CNGB3: variants seen among roughly 807,000 people sequenced by gnomAD.
CNGB3 encodes cyclic nucleotide gated channel subunit beta 3, also known as cyclic nucleotide-gated channel beta-3.
CNGB3 carries 86 observed loss-of-function variants against 92.8 expected under a neutral mutation model. The ratio of observed to expected loss-of-function variants is 0.93; its 90% CI spans 0.78 to 1.11. The LOEUF (loss-of-function observed/expected upper bound fraction) is 1.11, where lower values mean the gene tolerates loss of function less well. Among genes scored for constraint, CNGB3 ranks in the 50% least tolerant of loss-of-function variants. The probability of loss-of-function intolerance (pLI) is 0.00; values close to 1 mark genes in which losing one functional copy is unlikely to be tolerated. For synonymous variants in CNGB3, 333 were observed against 332.7 expected (o/e 1.00, Z -0.01); for missense variants, 1,026 against 956.8 (o/e 1.07, Z -0.95).
intron 3 of CNGB3, among the ~76,000 whole-genome samples, chr8:86,719,983 T>C (rs1020667189): frequency 4.6e-5 from 7 of 152,134 alleles, no homozygotes; most frequent in African/African-American, 1.7e-4. Context: ...TCTCACCTTA[T>C]ACAAAAATCA....
intron 15 of CNGB3, among the ~76,000 whole-genome samples, chr8:86,592,223 G>C (rs953239027): frequency 6.6e-6 from 1 of 152,206 alleles, no homozygotes; most frequent in African/African-American, 2.4e-5. Flanking sequence ...CGCACCCACT[G>C]ACCTGTGCCC....
Position 86,579,219 on chromosome 8 carries a change from A to C in CNGB3, c.1815T>G (p.Thr605=), listed in dbSNP as rs143131185. 116 of 1,614,174 alleles carry C rather than the reference A, an allele frequency of 7.2e-5. 1 individual carries two copies. The African/African-American group carries it at 1.3e-3, about 19-fold the overall frequency. Reference sequence around the variant, plus strand: ...CAAACCCGTGGGCCACCACATTGGCAGTTCGACGGTTTCCTCCTCCTGCTG... The same window carrying C: ...CAAACCCGTGGGCCACCACATTGGCCGTTCGACGGTTTCCTCCTCCTGCTG... ...LLAAGGGNRR[T]ANVVAHGFAN... is the part of the protein sequence containing the mutation. Residue 605 remains threonine, a synonymous_variant, in exon 16 of 18, where the codon ACT becomes ACG. Transcript: ENST00000320005.
chr8:86,673,908 T>C (rs1823914977), intron 3 of CNGB3, among the ~76,000 whole-genome samples: 2 of 152,160 alleles, frequency 1.3e-5, no homozygotes, highest in Non-Finnish European at 2.9e-5. Context: ...GAACTTGGGG[T>C]TCATCAGTGA....
chr8:86,728,065 G>T (rs983989451), intron 2 of CNGB3, among the ~76,000 whole-genome samples: 2 of 151,986 alleles, frequency 1.3e-5, no homozygotes, highest in Non-Finnish European at 2.9e-5. Context: ...TTCCCAAGAC[G>T]CTTTTATTCA....
chr8:86,720,813 CATATATATATAT>C (rs4024072), intron 3 of CNGB3, among the ~76,000 whole-genome samples: 1 of 134,444 alleles, frequency 7.4e-6, no homozygotes, highest in Non-Finnish European at 1.6e-5. Context: ...TATTCCATGG[CATATATATATAT>C]ATATATATAT....
intron 14 of CNGB3, among the ~76,000 whole-genome samples, chr8:86,605,682 G>A (rs774489313): frequency 6.6e-6 from 1 of 152,210 alleles, no homozygotes; most frequent in Non-Finnish European, 1.5e-5. Context: ...TGAGATGGCT[G>A]AGAGAATGTC....
chr8:86,669,359 G>A (rs1823812346), intron 4 of CNGB3, among the ~76,000 whole-genome samples: 1 of 152,030 alleles, frequency 6.6e-6, no homozygotes, highest in Admixed American at 6.6e-5. Context: ...AAATATACAG[G>A]TAATGAAAAC....
At chr8:86,702,027 CA>C (rs1461478259) in intron 3 of CNGB3, among the ~76,000 whole-genome samples, 1 of 152,186 alleles carries the variant, frequency 6.6e-6, no homozygotes, top group East Asian at 1.9e-4. Context: ...TTGATATGGA[CA>C]GCCCTGTATT....
intron 3 of CNGB3, among the ~76,000 whole-genome samples, chr8:86,725,418 T>A (rs1336579860): frequency 6.6e-6 from 1 of 152,136 alleles, no homozygotes; most frequent in Non-Finnish European, 1.5e-5. Context: ...ATAGATAAAA[T>A]ATAAATAATT....
At chr8:86,656,176 G>A (rs2131604701) in intron 6 of CNGB3, among the ~76,000 whole-genome samples, 1 of 152,236 alleles carries the variant, frequency 6.6e-6, no homozygotes, top group East Asian at 1.9e-4. Flanking sequence ...CATAGATACG[G>A]CTTCAAATAA....
intron 3 of CNGB3, among the ~76,000 whole-genome samples, chr8:86,690,207 C>T (rs1465839721): frequency 1.3e-5 from 2 of 152,188 alleles, no homozygotes. Context: ...TATTTCTCCA[C>T]ATCCTCTCCA....
chr8:86,702,961 A>C (rs1176718534), intron 3 of CNGB3, among the ~76,000 whole-genome samples: 1 of 151,956 alleles, frequency 6.6e-6, no homozygotes, highest in Non-Finnish European at 1.5e-5. Context: ...TATTTGATGA[A>C]GATTTTTATA....
chr8:86,634,609 G>A (rs983863759), intron 10 of CNGB3, among the ~76,000 whole-genome samples: 1 of 151,916 alleles, frequency 6.6e-6, no homozygotes, highest in African/African-American at 2.4e-5. Flanking sequence ...ACGTCTCCAG[G>A]TTTTGTTACA....
chr8:86,724,665 A>T (rs1370954076), intron 3 of CNGB3, among the ~76,000 whole-genome samples: 1 of 152,108 alleles, frequency 6.6e-6, no homozygotes, highest in East Asian at 1.9e-4. Flanking sequence ...TGTGAAAGAG[A>T]TCTTATAATA....
intron 14 of CNGB3, among the ~76,000 whole-genome samples, chr8:86,610,944 T>C (rs901500151): frequency 6.6e-6 from 1 of 152,348 alleles, no homozygotes; most frequent in East Asian, 1.9e-4. Flanking sequence ...ATAGTGTTCA[T>C]ATGATATATT....
chr8:86,720,334 C>T (rs537844936), intron 3 of CNGB3, among the ~76,000 whole-genome samples: 2 of 152,096 alleles, frequency 1.3e-5, no homozygotes, highest in East Asian at 1.9e-4. Flanking sequence ...AAAAAGTGGG[C>T]TAAGGACATG....
At chr8:86,675,581 T>C (rs1296732552) in intron 3 of CNGB3, among the ~76,000 whole-genome samples, 2 of 152,026 alleles carry the variant, frequency 1.3e-5, no homozygotes, top group South Asian at 2.1e-4. Flanking sequence ...GCCTTGCTAA[T>C]TTATTTATTT....
intron 3 of CNGB3, among the ~76,000 whole-genome samples, chr8:86,694,107 C>T (rs1285352372): frequency 5.0e-5 from 5 of 99,076 alleles, no homozygotes; most frequent in African/African-American, 1.6e-4. Flanking sequence ...CCAGACGGGG[C>T]GGCTGGCCGG....
chr8:86,581,730 A>T (rs975202369), intron 15 of CNGB3, among the ~76,000 whole-genome samples: 1 of 149,610 alleles, frequency 6.7e-6, no homozygotes, highest in African/African-American at 2.5e-5. Flanking sequence ...CCTTCTCCAT[A>T]CCTTACCCCC....
Sources: gnomAD v4.1 joint callset for allele counts (sites outside exome capture counted in the v4.1 genomes callset) on GRCh38, gnomAD v4.1.1 for gene constraint, MANE v1.5 for transcripts, NCBI Gene and HGNC (gene_info 2026-07-23, HGNC 2026-07-21) for gene names.